BCL2L13: variants seen among roughly 807,000 people sequenced by gnomAD.
BCL2L13 encodes bcl-2-like protein 13.
Under a neutral mutation model 25.8 loss-of-function variants are expected in BCL2L13, and 13 were observed. The observed-to-expected ratio is 0.50, with a 90% CI of 0.33 to 0.80. The LOEUF (loss-of-function observed/expected upper bound fraction) is 0.80, where lower values mean the gene tolerates loss of function less well. Ranked by LOEUF, BCL2L13 falls within the 30% of genes least tolerant of loss-of-function variation. The pLI, the probability that BCL2L13 is intolerant of heterozygous loss-of-function variation, is 0.02. For missense variants in BCL2L13, 504 were observed against 574.9 expected (o/e 0.88, Z 1.26); for synonymous variants, 244 against 230.3 (o/e 1.06, Z -0.54).
intron 2 of BCL2L13, among the ~76,000 whole-genome samples, chr22:17,661,666 A>T (rs184619865): frequency 6.8e-6 from 1 of 146,104 alleles, no homozygotes; most frequent in Non-Finnish European, 1.6e-5. Flanking sequence ...CTGTCCTTAG[A>T]GATTTCACAC....
chr22:17,725,791 G>A (rs2061279898), intron 6 of BCL2L13, among the ~76,000 whole-genome samples: 1 of 151,106 alleles, frequency 6.6e-6, no homozygotes, highest in South Asian at 2.1e-4. Flanking sequence ...TGGAATGTTT[G>A]TGTGTATGTG....
chr22:17,646,504 C>T (rs977921380), intron 1 of BCL2L13, among the ~76,000 whole-genome samples: 4 of 151,030 alleles, frequency 2.6e-5, no homozygotes, highest in Non-Finnish European at 4.4e-5. Context: ...CCACCGCACC[C>T]TCCCAAAGTG....
Position 17,729,109 on chromosome 22 carries a change from T to C in BCL2L13, c.*1575T>C, listed in dbSNP as rs940422439. 1.3e-5 allele frequency: 2 copies of C among 152,248 alleles called. No individual in the cohort carries two copies. Among genetic ancestry groups the C allele is most frequent in the African/African-American group, 4.8e-5 (2 of 41,470 alleles). 9.4% of individuals were successfully genotyped at this position (152,248 alleles called of 1,614,324 possible). ...ATTTTTTAGATCTTGAAATTTATAATAAAAATACTTTACCTACCCTGATCA... is the reference window on the plus strand; with the variant it reads ...ATTTTTTAGATCTTGAAATTTATAACAAAAATACTTTACCTACCCTGATCA... On this transcript the variant is annotated 3_prime_UTR_variant, in exon 7 of 7. Transcript: ENST00000317582.
intron 6 of BCL2L13, among the ~76,000 whole-genome samples, chr22:17,703,915 A>G (rs915169563): frequency 2.6e-5 from 4 of 152,180 alleles, no homozygotes; most frequent in Non-Finnish European, 4.4e-5. Flanking sequence ...ACAACAAGGG[A>G]AGAAAAATGC....
At chr22:17,725,943 T>C (rs1018245097) in intron 6 of BCL2L13, among the ~76,000 whole-genome samples, 3 of 151,440 alleles carry the variant, frequency 2.0e-5, no homozygotes, top group African/African-American at 4.8e-5. Context: ...CATAAATATA[T>C]ATAATATTTT....
rs1272556477 is a variant in BCL2L13, at chr22:17,631,692, A to G, written c.-650+2687A>G. Among the ~76,000 whole-genome samples, 21 of 57,586 alleles carry G rather than the reference A, an allele frequency of 3.6e-4. 2 individuals carry two copies. Among genetic ancestry groups the G allele is most frequent in the South Asian group, 1.5e-3 (2 of 1,354 alleles). 37.8% of individuals were successfully genotyped at this position (57,586 alleles called of 152,430 possible). A position where few individuals can be genotyped will look rare whatever the true frequency, so the allele number is the denominator to read the frequency against. On this transcript the variant is annotated intron_variant, in intron 1 of 6. Transcript: ENST00000399782. ...TGTGTATATATATATATATATATAT[A>G]TATATATATATATATTTTTTTTTTT... is the stretch of plus-strand genomic sequence containing the variant.
intron 3 of BCL2L13, among the ~76,000 whole-genome samples, chr22:17,685,287 A>G (rs547484678): frequency 6.6e-6 from 1 of 151,938 alleles, no homozygotes; most frequent in African/African-American, 2.4e-5. Context: ...ATGCAGTGGC[A>G]TGATCTGGGC....
At chr22:17,714,451 C>CAA (rs879263633) in intron 6 of BCL2L13, among the ~76,000 whole-genome samples, 2 of 143,430 alleles carry the variant, frequency 1.4e-5, no homozygotes, top group African/African-American at 2.6e-5. Flanking sequence ...GACTCCATCT[C>CAA]AAAAAAAAAA....
At chr22:17,681,770 C>T (rs892989934) in intron 2 of BCL2L13, among the ~76,000 whole-genome samples, 1 of 152,020 alleles carries the variant, frequency 6.6e-6, no homozygotes, top group African/African-American at 2.4e-5. Flanking sequence ...TGGCGAGAGG[C>T]GACATTGTGC....
chr22:17,695,931 AACT>A, intron 4 of BCL2L13: 1 of 481,078 alleles, frequency 2.1e-6, no homozygotes. Flanking sequence ...CTATGTTATT[AACT>A]ATTTCCCAGG....
chr22:17,676,118 T>G (rs2059568098), intron 2 of BCL2L13, among the ~76,000 whole-genome samples: 2 of 152,164 alleles, frequency 1.3e-5, no homozygotes, highest in African/African-American at 4.8e-5. Flanking sequence ...CGATTGGGCA[T>G]TTATCTCATT....
At chr22:17,684,753 T>C in intron 3 of BCL2L13, 1 of 353,968 alleles carries the variant, frequency 2.8e-6, no homozygotes, top group Non-Finnish European at 5.5e-6. Flanking sequence ...TTTTTTTTTT[T>C]GACAGAGTCT....
At chr22:17,695,927 T>C in intron 4 of BCL2L13, 1 of 481,150 alleles carries the variant, frequency 2.1e-6, no homozygotes, top group Non-Finnish European at 3.8e-6. Flanking sequence ...CTTGCTATGT[T>C]ATTAACTATT....
chr22:17,723,942 CA>C lies in BCL2L13; in HGVS notation c.601-2726del, dbSNP rs1165754684. 3.0e-5 allele frequency among the ~76,000 whole-genome samples: 4 copies of C among 132,686 alleles called. No homozygotes were observed. The East Asian group carries it at 6.0e-4, about 20-fold the overall frequency. 87.0% of individuals were successfully genotyped at this position (132,686 alleles called of 152,430 possible). ...GTGAGACTCCGTCTCAAAAAAAAAACAAAAAAAAACAAAAAACAAACTATAC... is the reference window on the plus strand; with the variant it reads ...GTGAGACTCCGTCTCAAAAAAAAAACAAAAAAAACAAAAAACAAACTATAC... On this transcript the variant is annotated intron_variant, in intron 6 of 6. Transcript: ENST00000317582.
At chr22:17,675,111 G>T (rs2059540741) in intron 2 of BCL2L13, among the ~76,000 whole-genome samples, 1 of 152,120 alleles carries the variant, frequency 6.6e-6, no homozygotes, top group South Asian at 2.1e-4. Flanking sequence ...CTATAAAACA[G>T]AGGGTATATT....
intron 1 of BCL2L13, among the ~76,000 whole-genome samples, chr22:17,631,161 A>G (rs1044308416): frequency 6.6e-6 from 1 of 151,118 alleles, no homozygotes; most frequent in East Asian, 2.0e-4. Context: ...CAGTGGTGCA[A>G]ACTCGGCTCA....
intron 6 of BCL2L13, among the ~76,000 whole-genome samples, chr22:17,718,379 A>T (rs1159850258): frequency 6.6e-6 from 1 of 152,238 alleles, no homozygotes; most frequent in Non-Finnish European, 1.5e-5. Context: ...ATGTAGAGTT[A>T]GTACTTGTAG....
intron 2 of BCL2L13, among the ~76,000 whole-genome samples, chr22:17,662,464 T>C (rs35377060): frequency 1.3e-5 from 2 of 150,154 alleles, no homozygotes; most frequent in South Asian, 2.1e-4. Flanking sequence ...GGCGACAGAG[T>C]GAGACTCCAT....
chr22:17,695,823 C>A, intron 4 of BCL2L13: 17 of 198,934 alleles, frequency 8.5e-5, no homozygotes, highest in Non-Finnish European at 1.4e-4. Flanking sequence ...TTATTTTATC[C>A]TGTATTAATA....
Sources: allele counts gnomAD v4.1 joint callset (sites outside exome capture counted in the v4.1 genomes callset), GRCh38; gene constraint gnomAD v4.1.1; transcripts MANE v1.5; gene names NCBI Gene and HGNC (gene_info 2026-07-23, HGNC 2026-07-21).